KCNIP4: variants seen among roughly 807,000 people sequenced by gnomAD.
KCNIP4 encodes the protein Kv channel-interacting protein 4.
In KCNIP4, 12 loss-of-function variants were observed where a neutral mutation model predicts 34.0. The ratio of observed to expected loss-of-function variants is 0.35; its 90% CI spans 0.23 to 0.57. The LOEUF (loss-of-function observed/expected upper bound fraction) is 0.57, where lower values mean the gene tolerates loss of function less well. Ranked by LOEUF, KCNIP4 falls within the 20% of genes least tolerant of loss-of-function variation. The pLI is 0.83. For synonymous variants in KCNIP4, 124 were observed against 102.2 expected (o/e 1.21, Z -1.29); for missense variants, 238 against 311.7 (o/e 0.76, Z 1.78).
intron 1 of KCNIP4, among the ~76,000 whole-genome samples, chr4:21,713,432 C>A (rs1560653988): frequency 6.6e-6 from 1 of 151,982 alleles, no homozygotes; most frequent in South Asian, 2.1e-4. Context: ...ATTTTATAGG[C>A]AATATAGAAA....
chr4:21,380,111 A>T (rs183987649), intron 1 of KCNIP4, among the ~76,000 whole-genome samples: 6 of 152,086 alleles, frequency 3.9e-5, no homozygotes, highest in Admixed American at 3.3e-4. Context: ...ATTGAGGGCT[A>T]TTATTTTCCC....
chr4:21,929,567 G>A (rs1184505538), intron 1 of KCNIP4, among the ~76,000 whole-genome samples: 1 of 152,016 alleles, frequency 6.6e-6, no homozygotes, highest in African/African-American at 2.4e-5. Flanking sequence ...TTCTAATGAG[G>A]CCAATGCCTA....
chr4:21,756,074 C>T (rs781650115), intron 1 of KCNIP4, among the ~76,000 whole-genome samples: 1 of 152,132 alleles, frequency 6.6e-6, no homozygotes, highest in Non-Finnish European at 1.5e-5. Context: ...TTTAGTCTCC[C>T]TAAAGAAATA....
intron 1 of KCNIP4, among the ~76,000 whole-genome samples, chr4:21,395,704 G>A (rs1722928129): frequency 6.6e-6 from 1 of 152,038 alleles, no homozygotes; most frequent in African/African-American, 2.4e-5. Context: ...GTATATTGAG[G>A]AAATGTCCTA....
At chr4:21,591,464 TA>T (rs1454368242) in intron 1 of KCNIP4, among the ~76,000 whole-genome samples, 1 of 152,016 alleles carries the variant, frequency 6.6e-6, no homozygotes, top group South Asian at 2.1e-4. Flanking sequence ...CTACGTAAAT[TA>T]AAAAAACTGA....
intron 1 of KCNIP4, among the ~76,000 whole-genome samples, chr4:20,939,833 A>C (rs558932472): frequency 1.3e-5 from 2 of 152,330 alleles, no homozygotes; most frequent in South Asian, 4.1e-4. Flanking sequence ...TAGCTTTAAA[A>C]TATGTATAGA....
rs75498963 is a variant in KCNIP4 at position 21,461,556 on chromosome 4, C to G, written c.61+487015G>C. Among the ~76,000 whole-genome samples, 1,075 of 152,052 alleles carry G rather than the reference C, an allele frequency of 7.1e-3. 50 individuals carry two copies. In the East Asian group the frequency reaches 0.12, roughly 17 times the overall value. On this transcript the variant is annotated intron_variant, in intron 1 of 8. Coordinates refer to ENST00000382152, the MANE Select transcript of KCNIP4 (RefSeq NM_025221.6). Reference sequence around the variant, plus strand: ...ACTGCAGATAATTTGGGAAGCACCTCCTCCAGGCAGATTTTAGGAAATATT... The same window carrying G: ...ACTGCAGATAATTTGGGAAGCACCTGCTCCAGGCAGATTTTAGGAAATATT...
chr4:21,280,779 A>G (rs924058123), intron 1 of KCNIP4, among the ~76,000 whole-genome samples: 10 of 152,288 alleles, frequency 6.6e-5, no homozygotes, highest in African/African-American at 2.2e-4. Context: ...CTACTATTCT[A>G]TGGTATCACT....
At chr4:21,420,988 A>G (rs549434311) in intron 1 of KCNIP4, among the ~76,000 whole-genome samples, 1 of 152,366 alleles carries the variant, frequency 6.6e-6, no homozygotes, top group Admixed American at 6.5e-5. Flanking sequence ...GAACCTAAAT[A>G]GACATTTCTT....
chr4:21,017,436 G>T (rs1739644478), intron 1 of KCNIP4, among the ~76,000 whole-genome samples: 1 of 152,144 alleles, frequency 6.6e-6, no homozygotes, highest in South Asian at 2.1e-4. Context: ...GTGAGAACAT[G>T]CAGTGTTTGG....
intron 1 of KCNIP4, among the ~76,000 whole-genome samples, chr4:21,006,237 A>G (rs1022493486): frequency 4.6e-5 from 7 of 152,226 alleles, no homozygotes; most frequent in African/African-American, 1.7e-4. Flanking sequence ...AATGGACACT[A>G]AAGAATAAAC....
chr4:20,730,201 G>C, intron 8 of KCNIP4, 72 bp from the exon 9 acceptor site: 1 of 1,502,854 alleles, frequency 6.7e-7, no homozygotes, highest in Non-Finnish European at 8.9e-7. Flanking sequence ...TTGCCCCTGA[G>C]TATTGCCTCC....
At chr4:20,814,099 C>T (rs1007879480) in intron 3 of KCNIP4, among the ~76,000 whole-genome samples, 5 of 152,076 alleles carry the variant, frequency 3.3e-5, no homozygotes, top group South Asian at 2.1e-4. Context: ...TCATCCACAT[C>T]GTATGGTGCT....
At chr4:21,246,709 C>A (rs1760227861) in intron 1 of KCNIP4, among the ~76,000 whole-genome samples, 2 of 151,998 alleles carry the variant, frequency 1.3e-5, no homozygotes, top group Admixed American at 6.6e-5. Context: ...GCTGGGCCCA[C>A]AGATGTAAGG....
intron 1 of KCNIP4, among the ~76,000 whole-genome samples, chr4:21,281,549 TG>T (rs1762775827): frequency 6.6e-6 from 1 of 152,224 alleles, no homozygotes; most frequent in African/African-American, 2.4e-5. Flanking sequence ...CAGTAAACTC[TG>T]TTATCTGGAA....
intron 8 of KCNIP4, 124 bp from the exon 9 acceptor site, chr4:20,730,253 A>G: frequency 1.6e-6 from 2 of 1,235,192 alleles, no homozygotes; most frequent in South Asian, 1.9e-5. Context: ...AAGCTCAAAT[A>G]TTAAGTGTTT....
intron 1 of KCNIP4, among the ~76,000 whole-genome samples, chr4:21,365,354 G>A (rs1023262092): frequency 6.6e-6 from 1 of 151,768 alleles, no homozygotes; most frequent in Non-Finnish European, 1.5e-5. Flanking sequence ...GCATGGTGGT[G>A]TGCACCTGTA....
At chr4:21,087,255 C>T (rs1393354916) in intron 1 of KCNIP4, among the ~76,000 whole-genome samples, 1 of 150,996 alleles carries the variant, frequency 6.6e-6, no homozygotes, top group Non-Finnish European at 1.5e-5. Flanking sequence ...CAGCTCACTG[C>T]AACCTCCACC....
intron 1 of KCNIP4, among the ~76,000 whole-genome samples, chr4:21,607,747 A>G (rs146084882): frequency 1.1e-3 from 161 of 152,212 alleles, no homozygotes; most frequent in African/African-American, 3.6e-3. Context: ...GCCACTGTCC[A>G]TGATACTGCT....
Sources: allele counts gnomAD v4.1 joint callset (sites outside exome capture counted in the v4.1 genomes callset), GRCh38; gene constraint gnomAD v4.1.1; transcripts MANE v1.5; gene names NCBI Gene and HGNC (gene_info 2026-07-23, HGNC 2026-07-21).